PEX14: variants seen among roughly 807,000 people sequenced by gnomAD.
PEX14 encodes peroxisomal biogenesis factor 14.
PEX14 carries 15 observed loss-of-function variants against 49.5 expected under a neutral mutation model. The ratio of observed to expected loss-of-function variants is 0.30; its 90% CI spans 0.20 to 0.47. The LOEUF is 0.47. Among genes scored for constraint, PEX14 ranks in the 20% least tolerant of loss-of-function variants. The pLI is 1.00. For synonymous variants in PEX14, 210 were observed against 212.7 expected (o/e 0.99, Z 0.11); for missense variants, 398 against 494.8 (o/e 0.80, Z 1.86).
chr1:10,621,762 A>G (rs528650348), intron 5 of PEX14, among the ~76,000 whole-genome samples: 3 of 152,342 alleles, frequency 2.0e-5, no homozygotes, highest in Admixed American at 6.5e-5. Flanking sequence ...GCACTTTGCA[A>G]AATAGAAAAT....
chr1:10,586,410 G>T (rs1188292066), intron 3 of PEX14, among the ~76,000 whole-genome samples: 1 of 152,120 alleles, frequency 6.6e-6, no homozygotes, highest in African/African-American at 2.4e-5. Context: ...GGCAGTATCT[G>T]TTAAAGCTGA....
chr1:10,609,932 C>T (rs1024438490), intron 4 of PEX14, among the ~76,000 whole-genome samples: 1 of 151,352 alleles, frequency 6.6e-6, no homozygotes. Flanking sequence ...ATAAATGGAA[C>T]CATATAGTAT....
intron 1 of PEX14, among the ~76,000 whole-genome samples, chr1:10,477,261 G>C (rs983434736): frequency 3.3e-5 from 5 of 151,896 alleles, no homozygotes; most frequent in Non-Finnish European, 2.9e-5. Flanking sequence ...TAGTAGAGAT[G>C]GGGTTTCACC....
At chr1:10,489,952 G>A (rs955204984) in intron 1 of PEX14, among the ~76,000 whole-genome samples, 1 of 152,224 alleles carries the variant, frequency 6.6e-6, no homozygotes, top group Non-Finnish European at 1.5e-5. Flanking sequence ...TTTTCTAGTT[G>A]TTTACAGTGG....
intron 1 of PEX14, among the ~76,000 whole-genome samples, chr1:10,489,839 A>C (rs1299061173): frequency 6.6e-6 from 1 of 152,138 alleles, no homozygotes. Context: ...AGCCAGAGTG[A>C]TTTTAGGGCC....
rs189790435 is a variant in PEX14, at chr1:10,615,108, T to C, written c.299-3224T>C. On this transcript the variant is annotated intron_variant, in intron 4 of 8. Transcript: ENST00000356607. ...CCATGGCAGTTTCTTAGACACCGAG[T>C]GTCACTGCACAGCCTGGGAAGGGAG... Among the ~76,000 whole-genome samples, 121 of 152,188 alleles carry C rather than the reference T, an allele frequency of 8.0e-4. 1 individual carries two copies. The highest frequency in any genetic ancestry group is 3.4e-3 in the Middle Eastern group (1 of 294).
intron 3 of PEX14, among the ~76,000 whole-genome samples, chr1:10,591,624 A>G (rs1640669046): frequency 7.0e-6 from 1 of 143,418 alleles, no homozygotes; most frequent in African/African-American, 2.6e-5. Context: ...CTTTTCTTTC[A>G]GGTATACACA....
intron 1 of PEX14, among the ~76,000 whole-genome samples, chr1:10,492,569 A>G (rs1034221848): frequency 6.6e-6 from 1 of 152,242 alleles, no homozygotes; most frequent in African/African-American, 2.4e-5. Context: ...TGATATACTT[A>G]TTGTGAGAAT....
chr1:10,535,796 T>TGC, intron 2 of PEX14: 1 of 326,082 alleles, frequency 3.1e-6, no homozygotes. Flanking sequence ...TGTGTGTGCG[T>TGC]GTGTACGTGC....
chr1:10,502,387 G>A (rs1226980926), intron 2 of PEX14, among the ~76,000 whole-genome samples: 1 of 152,072 alleles, frequency 6.6e-6, no homozygotes, highest in Non-Finnish European at 1.5e-5. Flanking sequence ...CCACTTACTG[G>A]TTTTGAAATT....
chr1:10,492,288 A>G (rs1196093280), intron 1 of PEX14, among the ~76,000 whole-genome samples: 1 of 152,190 alleles, frequency 6.6e-6, no homozygotes, highest in Non-Finnish European at 1.5e-5. Flanking sequence ...GATTAGTTTT[A>G]TTTTAGGAAG....
intron 3 of PEX14, among the ~76,000 whole-genome samples, chr1:10,561,438 G>T (rs1042673266): frequency 6.6e-6 from 1 of 152,058 alleles, no homozygotes; most frequent in Non-Finnish European, 1.5e-5. Flanking sequence ...CACACATTCT[G>T]CATTTGTCTC....
intron 3 of PEX14, among the ~76,000 whole-genome samples, chr1:10,577,626 C>A: frequency 1.1e-5 from 1 of 92,174 alleles, no homozygotes; most frequent in Non-Finnish European, 1.9e-5. Flanking sequence ...GAGTCTCGCT[C>A]TGTCACCCAG....
chr1:10,587,920 T>TTAAAA (rs1453146872), intron 3 of PEX14, among the ~76,000 whole-genome samples: 3 of 64,074 alleles, frequency 4.7e-5, no homozygotes, highest in African/African-American at 1.3e-4. Flanking sequence ...TTTTTTTTTT[T>TTAAAA]AAAAAAAAAA....
intron 2 of PEX14, among the ~76,000 whole-genome samples, chr1:10,511,021 C>T (rs1364469131): frequency 6.6e-6 from 1 of 152,248 alleles, no homozygotes; most frequent in Non-Finnish European, 1.5e-5. Flanking sequence ...CTCCCACCTC[C>T]TCGTTCTCCA....
In PEX14 at chr1:10,568,468, TTG is replaced by T. The variant is rs1448564606; in HGVS notation, c.170-30768_170-30767del. Among the ~76,000 whole-genome samples, 5 of 152,278 alleles carry T rather than the reference TTG, an allele frequency of 3.3e-5. No individual in the cohort carries two copies. The East Asian group carries it at 9.6e-4, about 29-fold the overall frequency. On this transcript the variant is annotated intron_variant, in intron 3 of 8. Coordinates refer to ENST00000356607, the MANE Select transcript of PEX14 (RefSeq NM_004565.3). Reference sequence around the variant, plus strand: ...ACTTACAGAAATAATCATATAATTATTGTCTTTTGATCTAATATGATAAAGTA... The same window carrying T: ...ACTTACAGAAATAATCATATAATTATTCTTTTGATCTAATATGATAAAGTA...
At chr1:10,579,490 C>T (rs1175246535) in intron 3 of PEX14, among the ~76,000 whole-genome samples, 3 of 152,080 alleles carry the variant, frequency 2.0e-5, no homozygotes, top group Non-Finnish European at 2.9e-5. Context: ...GTTCTTGGAT[C>T]TCACACAAGA....
chr1:10,545,209 T>G (rs1639133319), intron 3 of PEX14, among the ~76,000 whole-genome samples: 1 of 152,258 alleles, frequency 6.6e-6, no homozygotes, highest in Non-Finnish European at 1.5e-5. Context: ...TATTGCTGAA[T>G]ACTATTCCAT....
At chr1:10,553,713 A>G (rs1286492954) in intron 3 of PEX14, among the ~76,000 whole-genome samples, 1 of 152,116 alleles carries the variant, frequency 6.6e-6, no homozygotes, top group Non-Finnish European at 1.5e-5. Flanking sequence ...CCCACCTTCC[A>G]CTGAAAACTC....
Sources: gnomAD v4.1 joint callset for allele counts (sites outside exome capture counted in the v4.1 genomes callset) on GRCh38, gnomAD v4.1.1 for gene constraint, MANE v1.5 for transcripts, NCBI Gene and HGNC (gene_info 2026-07-23, HGNC 2026-07-21) for gene names.